Variants in DZANK1 observed in about 807,000 individuals in gnomAD.
DZANK1 encodes double zinc ribbon and ankyrin repeat domains 1.
DZANK1 carries 91 observed loss-of-function variants against 94.5 expected under a neutral mutation model. That is an observed-to-expected ratio of 0.96 (90% confidence interval 0.81 to 1.15). The LOEUF (loss-of-function observed/expected upper bound fraction) is 1.15. Among genes scored for constraint, DZANK1 ranks in the 50% most tolerant of loss-of-function variants. The pLI is 0.00. For synonymous variants in DZANK1, 312 were observed against 325.3 expected, an observed-to-expected ratio of 0.96 and a Z score of 0.44; for missense variants, 903 against 916.4, an observed-to-expected ratio of 0.99 and a Z score of 0.19.
chr20:18,420,213 A>G, intron 10 of DZANK1: 1 of 206,608 alleles, frequency 4.8e-6, no homozygotes, highest in African/African-American at 2.3e-5. Context: ...TCCAAACACT[A>G]GGTGGCAAGG....
At chr20:18,424,636 G>T (rs2057953316) in intron 10 of DZANK1, among the ~76,000 whole-genome samples, 1 of 152,120 alleles carries the variant, frequency 6.6e-6, no homozygotes, top group Non-Finnish European at 1.5e-5. Flanking sequence ...ATATATGAAG[G>T]TTCCAGTTTC....
intron 13 of DZANK1, among the ~76,000 whole-genome samples, chr20:18,400,478 ATAGG>A (rs2056612952): frequency 6.6e-6 from 1 of 152,214 alleles, no homozygotes; most frequent in African/African-American, 2.4e-5. Context: ...CTGTGTACGG[ATAGG>A]CAGCCTTCTC....
intron 10 of DZANK1, among the ~76,000 whole-genome samples, chr20:18,419,434 C>T (rs185322034): frequency 3.3e-5 from 5 of 152,078 alleles, no homozygotes; most frequent in Middle Eastern, 3.4e-3. Context: ...AAATTTACAG[C>T]GACAAGATTC....
intron 10 of DZANK1, among the ~76,000 whole-genome samples, chr20:18,423,526 C>G (rs1399277605): frequency 1.3e-5 from 2 of 152,190 alleles, no homozygotes; most frequent in African/African-American, 2.4e-5. Context: ...ACAGAACACA[C>G]ATTCTTTTCA....
At position 18,459,560 on chromosome 20, in the gene DZANK1, GT is replaced by G. The variant is rs551262387; in HGVS notation, c.263+592del. On this transcript the variant is annotated intron_variant, in intron 3 of 20. Coordinates refer to ENST00000262547, the Ensembl canonical transcript of DZANK1. The stretch of plus-strand genomic sequence containing the variant: ...CCACACAGAATTGCAAGGATTTGAG[GT>G]TTTTTTTTGTTTTGTTTTGTTTTTT... Among the ~76,000 whole-genome samples the G allele has an allele frequency of 2.6e-3, 394 of 151,440 alleles. 6 individuals carry two copies. Among genetic ancestry groups the G allele is most frequent in the Admixed American group, 0.021 (324 of 15,192 alleles).
intron 8 of DZANK1, among the ~76,000 whole-genome samples, chr20:18,437,573 ACT>A (rs1183794978): frequency 6.6e-6 from 1 of 151,956 alleles, no homozygotes; most frequent in Admixed American, 6.6e-5. Context: ...ACAGAGGGAG[ACT>A]CTGTCTCAAA....
At chr20:18,414,744 G>T (rs1408758064) in intron 11 of DZANK1, among the ~76,000 whole-genome samples, 2 of 152,092 alleles carry the variant, frequency 1.3e-5, no homozygotes, top group African/African-American at 2.4e-5. Context: ...CCAGCAATAG[G>T]GATGGTCTAA....
Position 18,398,540 on chromosome 20 carries a change from C to T in DZANK1, c.1519G>A (p.Glu507Lys), listed in dbSNP as rs767588397. The T allele has an allele frequency of 1.9e-6, 3 of 1,613,990 alleles. No individual in the cohort carries two copies. The South Asian group carries it at 3.3e-5, about 18-fold the overall frequency. ...TCACCCACCTTTCCCATCCTGGGTT[C>T]TGCAATCAAGGCCCGGAATTCAGGG... The change falls in exon 14 of 21, where the codon GAA (glutamate) becomes AAA (lysine). Residue 507 changes from glutamate to lysine, a missense_variant. Physicochemically the swap from Glu to Lys is moderately conservative, Grantham distance 56. Transcript: ENST00000262547.
At chr20:18,394,288 A>G (rs1192437116) in exon 16 of DZANK1, 11 of 1,613,594 alleles carry the variant, frequency 6.8e-6, no homozygotes, top group Non-Finnish European at 7.6e-6. Context: ...GCCCCCCATC[A>G]CCCTCGGCAG....
chr20:18,424,769 C>T (rs900946152), intron 10 of DZANK1, among the ~76,000 whole-genome samples: 3 of 152,032 alleles, frequency 2.0e-5, no homozygotes, highest in African/African-American at 7.2e-5. Context: ...TGTAATGCAG[C>T]ATTATTCATA....
chr20:18,406,491 G>A (rs2056971686), intron 13 of DZANK1, among the ~76,000 whole-genome samples: 1 of 152,238 alleles, frequency 6.6e-6, no homozygotes, highest in Admixed American at 6.5e-5. Context: ...CCCAGTCCTA[G>A]CGGGATTGAT....
intron 14 of DZANK1, among the ~76,000 whole-genome samples, chr20:18,397,138 C>T (rs1600746236): frequency 6.6e-6 from 1 of 152,110 alleles, no homozygotes; most frequent in East Asian, 1.9e-4. Context: ...AGCTGTGATC[C>T]AATAAAATTT....
At chr20:18,431,297 T>C (rs1283054741) in intron 9 of DZANK1, among the ~76,000 whole-genome samples, 1 of 151,840 alleles carries the variant, frequency 6.6e-6, no homozygotes, top group Admixed American at 6.6e-5. Context: ...CACACAAGAC[T>C]GCAACTACCA....
rs535247417 is a variant in DZANK1 at position 18,408,426 on chromosome 20, A to G, written c.1432+4220T>C. Among the ~76,000 whole-genome samples, 28 of 152,356 alleles carry G rather than the reference A, an allele frequency of 1.8e-4. 1 individual carries two copies. The East Asian group carries it at 5.4e-3, about 29-fold the overall frequency. Reference sequence around the variant, plus strand: ...ACAATAAAGTTATAGAACACCAAGCAGATTTAATCCAAAGAAGACTACCCC... The same window carrying G: ...ACAATAAAGTTATAGAACACCAAGCGGATTTAATCCAAAGAAGACTACCCC... On this transcript the variant is annotated intron_variant, in intron 13 of 20. Transcript: ENST00000262547.
chr20:18,451,746 C>A, intron 6 of DZANK1: 1 of 421,500 alleles, frequency 2.4e-6, no homozygotes, highest in Non-Finnish European at 4.6e-6. Context: ...CCCTGAGAGG[C>A]AGACTTGGCT....
At chr20:18,383,762 A>G (rs2048321121) in exon 21 of DZANK1, 1 of 152,254 alleles carries the variant, frequency 6.6e-6, no homozygotes, top group Admixed American at 6.5e-5. Context: ...GGAGGGACGT[A>G]TCCCTACATA....
chr20:18,409,187 T>C (rs1161790733), intron 13 of DZANK1, among the ~76,000 whole-genome samples: 1 of 152,050 alleles, frequency 6.6e-6, no homozygotes, highest in Admixed American at 6.6e-5. Context: ...AAAAATTTTT[T>C]AAAAAGAAGC....
chr20:18,399,783 C>T (rs1043107118), intron 13 of DZANK1, among the ~76,000 whole-genome samples: 5 of 152,208 alleles, frequency 3.3e-5, no homozygotes, highest in Non-Finnish European at 7.3e-5. Flanking sequence ...GGCTGACCAC[C>T]TGAGGCCAAG....
intron 6 of DZANK1, among the ~76,000 whole-genome samples, chr20:18,450,849 A>G (rs1459977520): frequency 6.6e-6 from 1 of 152,254 alleles, no homozygotes; most frequent in Admixed American, 6.5e-5. Context: ...TAAACATTGA[A>G]AAACCAAAGC....
Sources: gnomAD v4.1 joint callset for allele counts (sites outside exome capture counted in the v4.1 genomes callset) on GRCh38, gnomAD v4.1.1 for gene constraint, MANE v1.5 for transcripts, NCBI Gene and HGNC (gene_info 2026-07-23, HGNC 2026-07-21) for gene names.